The following RIOK1 variants were observed in gnomAD, a reference collection of about 807,000 sequenced individuals.
The protein encoded by RIOK1 is serine/threonine-protein kinase RIO1.
Under a neutral mutation model 73.5 loss-of-function variants are expected in RIOK1, and 66 were observed. The ratio of observed to expected loss-of-function variants is 0.90; its 90% confidence interval spans 0.74 to 1.10. The LOEUF (loss-of-function observed/expected upper bound fraction) is 1.10. Ranked by LOEUF, RIOK1 falls within the 50% of genes least tolerant of loss-of-function variation. The pLI, the probability that RIOK1 is intolerant of heterozygous loss-of-function variation, is 0.00. For missense variants in RIOK1, 658 were observed against 699.8 expected (o/e 0.94, Z 0.67); for synonymous variants, 224 against 226.8 (o/e 0.99, Z 0.11).
At chr6:7,396,623 G>A in intron 3 of RIOK1, 80 bp from the exon 4 acceptor site, 1 of 738,344 alleles carries the variant, frequency 1.4e-6, no homozygotes, top group Admixed American at 2.4e-5. Flanking sequence ...AGGAAGAGGG[G>A]AGAAATACCC....
chr6:7,409,865 T>C lies in RIOK1; in HGVS notation c.1204-521T>C, dbSNP rs1761845424. Among the ~76,000 whole-genome samples, 4 of 150,200 alleles carry C rather than the reference T, an allele frequency of 2.7e-5. 1 individual carries two copies. The East Asian group carries it at 5.9e-4, about 22-fold the overall frequency. On this transcript the variant is annotated intron_variant, in intron 12 of 16. Coordinates refer to ENST00000379834, the MANE Select transcript of RIOK1 (RefSeq NM_031480.3). ...TTCTTCTATATAGAGAAGAGAACAC[T>C]CAGTTTTACAAACCAAAAGAACCCT...
intron 8 of RIOK1, 55 bp downstream of exon 8, chr6:7,402,952 C>T: frequency 6.7e-7 from 1 of 1,494,502 alleles, no homozygotes; most frequent in South Asian, 1.2e-5. Context: ...TGAACATCAG[C>T]CCTTCCTCCC....
rs1244520663 is a variant in RIOK1, at chr6:7,398,693, G to A, written c.438-5G>A. 5 of 1,611,406 alleles carry A rather than the reference G, an allele frequency of 3.1e-6. No individual in the cohort carries two copies. The highest frequency in any genetic ancestry group is 1.7e-4 in the Middle Eastern group (1 of 6,046). ...TGTCAACTATACGTTTTTGTTTTTG[G>A]TTAGGTATCGCATCAAAGATAAGGC... On this transcript the variant is annotated splice_region_variant and splice_polypyrimidine_tract_variant and intron_variant, in intron 4 of 16. Transcript: ENST00000379834.
In RIOK1 at chr6:7,417,346, G is replaced by A. The variant is rs946262868; in HGVS notation, c.1612G>A (p.Val538Ile). The change falls in exon 17 of 17, where the codon GTC becomes ATC. Residue 538 changes from valine to isoleucine, a missense_variant. Val to Ile is a conservative substitution (Grantham distance 29, BLOSUM62 3). Coordinates refer to ENST00000379834, the MANE Select transcript of RIOK1 (RefSeq NM_031480.3). ...TTTTTTACAGGAAAGAAAAAAGATG[G>A]TCAAGGAAGCCCAGAGAGAGAAAAG... Reference protein sequence around the residue: ...DIDKKERKKMVKEAQREKRKN... With the variant: ...DIDKKERKKMIKEAQREKRKN... 3.2e-6 allele frequency: 5 copies of A among 1,545,426 alleles called. No homozygotes were observed. The African/African-American group carries it at 4.1e-5, about 13-fold the overall frequency.
In RIOK1 at chr6:7,404,485, A is replaced by C; in HGVS notation, c.922A>C (p.Ile308Leu). 6.2e-7 allele frequency: 1 copy of C among 1,614,146 alleles called. No homozygotes were observed. The highest frequency in any genetic ancestry group is 8.5e-7 in the Non-Finnish European group (1 of 1,179,992). ...GGCTCGGGAGTTGTACCTGCAGGTC[A>C]TTCAGTACATGAGAAGAATGTATCA... is the stretch of plus-strand genomic sequence containing the variant. Reference protein sequence around the residue: ...SKARELYLQVIQYMRRMYQDA... With the variant: ...SKARELYLQVLQYMRRMYQDA... The change falls in exon 10 of 17, where the codon ATT becomes CTT. Residue 308 changes from isoleucine (I) to leucine (L), a missense_variant. Physicochemically the swap from Ile to Leu is conservative, Grantham distance 5 (BLOSUM62 2). Coordinates refer to ENST00000379834, the MANE Select transcript of RIOK1 (RefSeq NM_031480.3).
At chr6:7,403,727 A>G (rs1253861942) in intron 8 of RIOK1, among the ~76,000 whole-genome samples, 1 of 151,938 alleles carries the variant, frequency 6.6e-6, no homozygotes, top group Non-Finnish European at 1.5e-5. Context: ...AGGTTATGGG[A>G]TGTAATAGTT....
At chr6:7,402,521 CTT>C in intron 6 of RIOK1, 80 bp from the exon 7 acceptor site, 1 of 980,686 alleles carries the variant, frequency 1.0e-6, no homozygotes, top group Non-Finnish European at 1.5e-6. Flanking sequence ...GTTCACTTGA[CTT>C]TTGAGGTTAG....
intron 5 of RIOK1, among the ~76,000 whole-genome samples, chr6:7,399,751 A>G (rs1008937189): frequency 1.3e-5 from 2 of 152,158 alleles, no homozygotes; most frequent in Non-Finnish European, 2.9e-5. Flanking sequence ...CAGCCAGCTG[A>G]CTTCCCCTCT....
At chr6:7,401,961 G>A (rs183125108) in intron 6 of RIOK1, among the ~76,000 whole-genome samples, 3 of 152,254 alleles carry the variant, frequency 2.0e-5, no homozygotes, top group African/African-American at 7.2e-5. Context: ...TTACAGGCAT[G>A]AGCCTCCACG....
chr6:7,403,929 A>G lies in RIOK1; in HGVS notation c.768-12A>G, dbSNP rs1271966414. The G allele has an allele frequency of 6.3e-7, 1 of 1,594,954 alleles. No individual in the cohort carries two copies. Among genetic ancestry groups the G allele is most frequent in the South Asian group, 1.1e-5 (1 of 90,172 alleles). On this transcript the variant is annotated splice_polypyrimidine_tract_variant and intron_variant, in intron 8 of 16. Transcript: ENST00000379834. Reference sequence around the variant, plus strand: ...CTTTTCAGTTGTCCTTTTATTTGTTATAATATCACAGGCTAAACACAGCAG... The same window carrying G: ...CTTTTCAGTTGTCCTTTTATTTGTTGTAATATCACAGGCTAAACACAGCAG...
intron 16 of RIOK1, among the ~76,000 whole-genome samples, chr6:7,414,860 C>T (rs1055888318): frequency 6.6e-6 from 1 of 152,186 alleles, no homozygotes; most frequent in Non-Finnish European, 1.5e-5. Context: ...TTTTAAATTG[C>T]TCACCGTCCT....
At chr6:7,404,892 A>T in intron 10 of RIOK1, 26 bp from the exon 11 acceptor site, 1 of 1,572,312 alleles carries the variant, frequency 6.4e-7, no homozygotes, top group Non-Finnish European at 8.8e-7. Context: ...ATACCATCCC[A>T]CAGCTTCTGT....
intron 6 of RIOK1, among the ~76,000 whole-genome samples, chr6:7,401,576 GT>G (rs199719201): frequency 6.4e-5 from 9 of 140,538 alleles, no homozygotes; most frequent in East Asian, 4.2e-4. Flanking sequence ...TTCTGTTTTT[GT>G]TTTTTTTTTA....
chr6:7,395,537 G>A (rs1017321751), intron 3 of RIOK1, among the ~76,000 whole-genome samples: 6 of 150,922 alleles, frequency 4.0e-5, no homozygotes, highest in African/African-American at 1.2e-4. Context: ...AAGAAAAAAG[G>A]AATGAATGTA....
intron 12 of RIOK1, among the ~76,000 whole-genome samples, chr6:7,408,526 C>A (rs1238921946): frequency 6.6e-6 from 1 of 152,058 alleles, no homozygotes; most frequent in Non-Finnish European, 1.5e-5. Context: ...TAGAAGTAGT[C>A]ACACTGTGTC....
chr6:7,390,719 A>T (rs1352554194), intron 1 of RIOK1, among the ~76,000 whole-genome samples: 2 of 152,226 alleles, frequency 1.3e-5, no homozygotes, highest in Non-Finnish European at 2.9e-5. Context: ...GAAGATTGGT[A>T]GGGTGATAGA....
In RIOK1 at chr6:7,411,327, G is replaced by A. The variant is rs368614379; in HGVS notation, c.1270-5G>A. 1.3e-5 allele frequency: 21 copies of A among 1,613,494 alleles called. No homozygotes were observed. In the South Asian group the frequency reaches 2.1e-4, roughly 16 times the overall value. On this transcript the variant is annotated splice_region_variant and splice_polypyrimidine_tract_variant and intron_variant, in intron 13 of 16. Transcript: ENST00000379834. Reference sequence around the variant, plus strand: ...AGTTTTGATTTTGCTTTTCCTCTCTGTTAGGTGTTTAAGCGAGCATATATT... The same window carrying A: ...AGTTTTGATTTTGCTTTTCCTCTCTATTAGGTGTTTAAGCGAGCATATATT...
rs1252167761 is a variant in RIOK1 at position 7,405,349 on chromosome 6, C to T, written c.1197C>T (p.Leu399=). Residue 399 remains leucine (L), a synonymous_variant, in exon 12 of 17, where the codon CTC becomes CTT. Transcript: ENST00000379834. ...SITHENMDAY[L]SKAMEIASQR... ...CACATGAGAACATGGATGCTTATCT[C>T]TCAAAGGTAAGATGGGGAGAGGAAG... is the stretch of plus-strand genomic sequence containing the variant. 1 of 1,585,010 alleles carries T rather than the reference C, an allele frequency of 6.3e-7. No individual in the cohort carries two copies. The highest frequency in any genetic ancestry group is 2.2e-5 in the East Asian group (1 of 44,720).
intron 3 of RIOK1, among the ~76,000 whole-genome samples, 165 bp downstream of exon 3, chr6:7,395,308 G>GT (rs1354547293): frequency 6.6e-6 from 1 of 152,210 alleles, no homozygotes; most frequent in Non-Finnish European, 1.5e-5. Context: ...GAGGTCAGGA[G>GT]TTTGAGACCA....
Sources: allele counts gnomAD v4.1 joint callset (sites outside exome capture counted in the v4.1 genomes callset), GRCh38; gene constraint gnomAD v4.1.1; transcripts MANE v1.5; gene names NCBI Gene and HGNC (gene_info 2026-07-23, HGNC 2026-07-21).